The following MCF2 variants were observed in gnomAD, a reference collection of about 807,000 sequenced individuals.
MCF2 encodes proto-oncogene DBL.
MCF2 carries 44 observed loss-of-function variants against 82.5 expected under a neutral mutation model. The observed-to-expected ratio is 0.53, with a 90% CI of 0.42 to 0.69. The LOEUF (loss-of-function observed/expected upper bound fraction) is 0.69. Ranked by LOEUF, MCF2 falls within the 30% of genes least tolerant of loss-of-function variation. The probability of loss-of-function intolerance (pLI) is 0.00; values close to 1 mark genes in which losing one functional copy is unlikely to be tolerated. For synonymous variants in MCF2, 217 were observed against 224.9 expected (o/e 0.96, Z 0.32); for missense variants, 623 against 663.1 (o/e 0.94, Z 0.66).
intron 1 of MCF2, among the ~76,000 whole-genome samples, chrX:139,682,938 C>T (rs1289989026): frequency 9.1e-6 from 1 of 109,724 alleles, no homozygotes; most frequent in African/African-American, 3.3e-5. Flanking sequence ...AAACTTTCTC[C>T]TTTTTTTTTG....
At chrX:139,659,388 A>C (rs1327629324) in intron 1 of MCF2, among the ~76,000 whole-genome samples, 3 of 112,163 alleles carry the variant, frequency 2.7e-5, no homozygotes, top group Non-Finnish European at 5.6e-5. Context: ...AATTTAAACT[A>C]TACTAAGTTT....
chrX:139,632,973 A>G (rs1448230323), intron 1 of MCF2, among the ~76,000 whole-genome samples: 3 of 111,990 alleles, frequency 2.7e-5, no homozygotes, highest in Non-Finnish European at 5.6e-5. Context: ...TCTGTTAGGC[A>G]TTGAATGTTC....
intron 10 of MCF2, 55 bp from the exon 14 acceptor site, chrX:139,613,318 A>G: frequency 1.1e-6 from 1 of 928,423 alleles, no homozygotes; most frequent in Non-Finnish European, 1.5e-6. Flanking sequence ...AAAATGAAAC[A>G]ATACAAAACA....
At chrX:139,651,637 GA>G (rs1196060712) in intron 2 of MCF2, 82 bp downstream of exon 2, 2 of 526,625 alleles carry the variant, frequency 3.8e-6, no homozygotes, top group Non-Finnish European at 6.3e-6. Context: ...TATAGAGAGC[GA>G]GCTATTTATA....
intron 1 of MCF2, among the ~76,000 whole-genome samples, chrX:139,683,277 C>T: frequency 8.9e-6 from 1 of 112,601 alleles, no homozygotes; most frequent in Non-Finnish European, 1.9e-5. Context: ...GAATAACTAT[C>T]CAATGTGAGC....
At chrX:139,603,918 T>C (rs1174121320) in intron 15 of MCF2, among the ~76,000 whole-genome samples, 1 of 112,442 alleles carries the variant, frequency 8.9e-6, no homozygotes, top group Admixed American at 9.4e-5. Flanking sequence ...CCTTATTCTC[T>C]TCTCATTTCA....
At chrX:139,649,170 G>C (rs1933907644) in intron 2 of MCF2, among the ~76,000 whole-genome samples, 1 of 112,386 alleles carries the variant, frequency 8.9e-6, no homozygotes, top group Admixed American at 9.4e-5. Context: ...GGAAACTTGA[G>C]AGACAGTATT....
rs1382197070 is a variant in MCF2 at position 139,700,456 on chromosome X, AT to A, written c.-45+7649del. Among the ~76,000 whole-genome samples the A allele has an allele frequency of 6.2e-5, 7 of 112,084 alleles. No homozygotes were observed. The Admixed American group carries it at 6.6e-4, about 11-fold the overall frequency. On this transcript the variant is annotated intron_variant, in intron 1 of 27. Transcript: ENST00000414978. ...GGAAGAAGAAGATAACGATATCTCC[AT>A]TTTAATAGAATATTGATATTTTGGC...
chrX:139,588,099 G>T (rs1361444816), intron 21 of MCF2, among the ~76,000 whole-genome samples: 1 of 111,402 alleles, frequency 9.0e-6, no homozygotes, highest in African/African-American at 3.3e-5. Flanking sequence ...AAGGACTGGG[G>T]ATTACCACAA....
At chrX:139,648,556 T>A (rs1371238699) in intron 2 of MCF2, among the ~76,000 whole-genome samples, 1 of 111,619 alleles carries the variant, frequency 9.0e-6, no homozygotes, top group Non-Finnish European at 1.9e-5. Flanking sequence ...TTTAAATCCA[T>A]CCATATGAAT....
chrX:139,642,561 G>A (rs368106735), exon 1 of MCF2: 3 of 1,209,548 alleles, frequency 2.5e-6, no homozygotes, highest in African/African-American at 3.5e-5. Flanking sequence ...AATTGTCAAC[G>A]CAACGTTGAT....
chrX:139,704,078 G>T (rs1006321003), intron 1 of MCF2, among the ~76,000 whole-genome samples: 1 of 109,386 alleles, frequency 9.1e-6, no homozygotes, highest in Non-Finnish European at 1.9e-5. Context: ...AACAGACTAG[G>T]TATCAAAAAA....
intron 12 of MCF2, 78 bp from the exon 17 acceptor site, chrX:139,605,857 G>A (rs1930960576): frequency 4.1e-5 from 33 of 797,993 alleles, no homozygotes; most frequent in Non-Finnish European, 5.9e-5. Context: ...TTATCATCAT[G>A]AGAAGGTAAA....
At chrX:139,649,300 C>T (rs1445307495) in intron 2 of MCF2, among the ~76,000 whole-genome samples, 1 of 111,719 alleles carries the variant, frequency 9.0e-6, no homozygotes, top group Non-Finnish European at 1.9e-5. Flanking sequence ...AGAATAATGG[C>T]ATCCACTGAA....
At chrX:139,645,510 C>T, upstream of MCF2, 1 of 724,609 alleles carries the variant, frequency 1.4e-6, no homozygotes, top group South Asian at 2.8e-5. Context: ...CCTCCCAAAA[C>T]AGAAAGTATA....
intron 1 of MCF2, among the ~76,000 whole-genome samples, chrX:139,682,198 C>A (rs1255290002): frequency 1.7e-4 from 19 of 111,250 alleles, no homozygotes; most frequent in African/African-American, 5.2e-4. Flanking sequence ...GAGAAGACCT[C>A]CCCCCACAGG....
chrX:139,626,778 G>A, intron 4 of MCF2, 22 bp from the exon 8 acceptor site: 1 of 1,189,662 alleles, frequency 8.4e-7, no homozygotes. Flanking sequence ...CACAAAAGGA[G>A]TATCACCTAA....
chrX:139,632,707 C>A (rs1932989683), intron 1 of MCF2, among the ~76,000 whole-genome samples: 1 of 111,322 alleles, frequency 9.0e-6, no homozygotes, highest in Non-Finnish European at 1.9e-5. Flanking sequence ...GTAGATCCAA[C>A]CTTATGAAGA....
intron 1 of MCF2, among the ~76,000 whole-genome samples, chrX:139,677,597 A>G (rs1199915391): frequency 4.5e-5 from 5 of 111,343 alleles, no homozygotes; most frequent in Non-Finnish European, 9.4e-5. Context: ...TTCTCCAAAC[A>G]ATCACAAAGG....
Sources: allele counts gnomAD v4.1 joint callset (sites outside exome capture counted in the v4.1 genomes callset), GRCh38; gene constraint gnomAD v4.1.1; transcripts MANE v1.5; gene names NCBI Gene and HGNC (gene_info 2026-07-23, HGNC 2026-07-21).